CASK: variants seen among roughly 807,000 people sequenced by gnomAD.
The protein encoded by CASK is peripheral plasma membrane protein CASK.
CASK carries 4 observed loss-of-function variants against 82.9 expected under a neutral mutation model. The observed-to-expected ratio is 0.05, with a 90% CI of 0.02 to 0.11. CASK has a LOEUF of 0.11. CASK is among the 10% of genes least tolerant of loss of function. The pLI, the probability that CASK is intolerant of heterozygous loss-of-function variation, is 1.00. For synonymous variants in CASK, 259 were observed against 253.5 expected, an observed-to-expected ratio of 1.02 and a Z score of -0.20; for missense variants, 358 against 720.9, an observed-to-expected ratio of 0.50 and a Z score of 5.76.
At chrX:41,529,222 G>A (rs2064760893) in intron 25 of CASK, among the ~76,000 whole-genome samples, 1 of 111,628 alleles carries the variant, frequency 9.0e-6, no homozygotes, top group South Asian at 3.7e-4. Flanking sequence ...GTGCCCAGCC[G>A]GGGTGAGGAG....
At chrX:41,586,602 T>C (rs976101748) in intron 14 of CASK, 31 of 176,549 alleles carry the variant, frequency 1.8e-4, no homozygotes, top group African/African-American at 9.3e-4. Flanking sequence ...ATTTTAGTTC[T>C]TTGTGGTTTA....
intron 1 of CASK, among the ~76,000 whole-genome samples, chrX:41,885,535 T>C (rs1290978047): frequency 8.9e-6 from 1 of 112,446 alleles, no homozygotes; most frequent in Non-Finnish European, 1.9e-5. Flanking sequence ...GAATGTCATA[T>C]ATAAAATAAG....
intron 1 of CASK, among the ~76,000 whole-genome samples, chrX:41,857,049 G>A (rs1165523347): frequency 9.0e-6 from 1 of 110,536 alleles, no homozygotes; most frequent in Non-Finnish European, 1.9e-5. Flanking sequence ...TAATGAAGAG[G>A]TTCTCCAAAC....
chrX:41,807,214 T>C (rs979213474), intron 2 of CASK, among the ~76,000 whole-genome samples: 1 of 110,987 alleles, frequency 9.0e-6, no homozygotes, highest in African/African-American at 3.3e-5. Flanking sequence ...TACCTTATCA[T>C]TCTCAAACAA....
intron 1 of CASK, among the ~76,000 whole-genome samples, chrX:41,886,266 C>A (rs1249348989): frequency 8.9e-6 from 1 of 111,752 alleles, no homozygotes; most frequent in Non-Finnish European, 1.9e-5. Context: ...TATCAGCGGC[C>A]TTTAAAACAG....
At chrX:41,634,556 G>A (rs892543663) in intron 9 of CASK, among the ~76,000 whole-genome samples, 1 of 112,313 alleles carries the variant, frequency 8.9e-6, no homozygotes, top group African/African-American at 3.2e-5. Context: ...CTGTGGCCCC[G>A]GGAGAAGTAC....
chrX:41,873,612 A>G (rs749328606), intron 1 of CASK, among the ~76,000 whole-genome samples: 2 of 111,224 alleles, frequency 1.8e-5, no homozygotes, highest in African/African-American at 3.3e-5. Context: ...AACAAAAAGT[A>G]TATCTACTGA....
intron 1 of CASK, among the ~76,000 whole-genome samples, chrX:41,914,654 C>T (rs1213964403): frequency 8.9e-6 from 1 of 112,284 alleles, no homozygotes; most frequent in Non-Finnish European, 1.9e-5. Context: ...ATACCAAGAA[C>T]TTAAAGTAAA....
At chrX:41,854,220 G>GCACA (rs1438926814) in intron 1 of CASK, among the ~76,000 whole-genome samples, 1 of 55,748 alleles carries the variant, frequency 1.8e-5, no homozygotes, top group Non-Finnish European at 3.7e-5. Flanking sequence ...GCGCGCGGGC[G>GCACA]CGCGCACACA....
At chrX:41,860,165 CATTT>C (rs1303478765) in intron 1 of CASK, among the ~76,000 whole-genome samples, 5 of 110,293 alleles carry the variant, frequency 4.5e-5, no homozygotes, top group Admixed American at 2.9e-4. Context: ...GCCATTGATA[CATTT>C]ATTAAGTAAC....
At chrX:41,669,910 C>T (rs1292864096) in intron 6 of CASK, among the ~76,000 whole-genome samples, 1 of 111,652 alleles carries the variant, frequency 9.0e-6, no homozygotes, top group African/African-American at 3.3e-5. Context: ...GGGAAGTTAA[C>T]TTGGATAAGA....
In CASK at chrX:41,769,875, G is replaced by T. The variant is rs1328973157; in HGVS notation, c.278+17303C>A. Reference sequence around the variant, plus strand: ...CAGGAAGATCACTTGAGCCCAGGAGGTAGAAGCTGCAGTGAGCTGTGATTG... The same window carrying T: ...CAGGAAGATCACTTGAGCCCAGGAGTTAGAAGCTGCAGTGAGCTGTGATTG... On this transcript the variant is annotated intron_variant, in intron 3 of 26. Coordinates refer to ENST00000378163, the MANE Select transcript of CASK (RefSeq NM_001367721.1). 5.4e-5 allele frequency among the ~76,000 whole-genome samples: 6 copies of T among 111,303 alleles called. No homozygotes were observed. The Admixed American group carries it at 5.8e-4, about 11-fold the overall frequency.
chrX:41,626,781 CT>C, intron 9 of CASK, 78 bp from the exon 10 acceptor site: 2 of 666,967 alleles, frequency 3.0e-6, no homozygotes, highest in Non-Finnish European at 2.4e-6. Context: ...AATTATTTAT[CT>C]TAAGGATTAT....
intron 26 of CASK, 76 bp downstream of exon 26, chrX:41,523,875 G>T: frequency 1.3e-6 from 1 of 749,663 alleles, no homozygotes; most frequent in South Asian, 2.2e-5. Flanking sequence ...AATGTAGACT[G>T]ACACGCTTCT....
chrX:41,830,601 A>ACC (rs2070774345), intron 2 of CASK, among the ~76,000 whole-genome samples: 1 of 108,403 alleles, frequency 9.2e-6, no homozygotes, highest in Non-Finnish European at 1.9e-5. Context: ...TGGGCGGATC[A>ACC]TGAAGTCAGT....
At chrX:41,897,224 T>C (rs1327426860) in intron 1 of CASK, among the ~76,000 whole-genome samples, 4 of 111,890 alleles carry the variant, frequency 3.6e-5, no homozygotes, top group Non-Finnish European at 7.5e-5. Flanking sequence ...GTATTGAGTG[T>C]TGATGTTAGC....
At chrX:41,736,930 T>C (rs1383080202) in intron 5 of CASK, among the ~76,000 whole-genome samples, 1 of 112,314 alleles carries the variant, frequency 8.9e-6, no homozygotes, top group African/African-American at 3.2e-5. Context: ...TATTTGTCTT[T>C]CTAAAGGTGG....
At chrX:41,586,400 A>G (rs751862202) in intron 14 of CASK, 1 of 113,204 alleles carries the variant, frequency 8.8e-6, no homozygotes, top group African/African-American at 3.2e-5. Flanking sequence ...AAAGTATCTT[A>G]TCTATTTTGA....
At chrX:41,764,062 A>T (rs2069059575) in intron 3 of CASK, among the ~76,000 whole-genome samples, 1 of 112,177 alleles carries the variant, frequency 8.9e-6, no homozygotes, top group Non-Finnish European at 1.9e-5. Context: ...AGATACCAAA[A>T]GGCAGCACAT....
Sources: gnomAD v4.1 joint callset for allele counts (sites outside exome capture counted in the v4.1 genomes callset) on GRCh38, gnomAD v4.1.1 for gene constraint, MANE v1.5 for transcripts, NCBI Gene and HGNC (gene_info 2026-07-23, HGNC 2026-07-21) for gene names.